Variants in TSPAN9 observed in about 807,000 individuals in gnomAD.
TSPAN9 encodes tetraspanin 9, also known as tetraspanin-9.
Under a neutral mutation model 31.0 loss-of-function variants are expected in TSPAN9, and 16 were observed. The observed-to-expected ratio is 0.52, with a 90% CI of 0.35 to 0.78. The LOEUF is 0.78. TSPAN9 is among the 30% of genes least tolerant of loss of function. The pLI is 0.01. For missense variants in TSPAN9, 272 were observed against 312.5 expected (o/e 0.87, Z 0.98); for synonymous variants, 145 against 121.6 (o/e 1.19, Z -1.27).
At chr12:3,082,477 G>T (rs2098298421) in intron 1 of TSPAN9, among the ~76,000 whole-genome samples, 1 of 152,224 alleles carries the variant, frequency 6.6e-6, no homozygotes, top group African/African-American at 2.4e-5. Context: ...CCGTGTGCCA[G>T]CATTAAACTG....
intron 2 of TSPAN9, among the ~76,000 whole-genome samples, chr12:3,125,234 A>G (rs1234450229): frequency 6.6e-6 from 1 of 151,496 alleles, no homozygotes; most frequent in East Asian, 1.9e-4. Flanking sequence ...TATGTTATGT[A>G]CTTGCTAACA....
At chr12:3,229,534 G>A (rs993572801) in intron 3 of TSPAN9, among the ~76,000 whole-genome samples, 2 of 152,194 alleles carry the variant, frequency 1.3e-5, no homozygotes, top group African/African-American at 2.4e-5. Context: ...TGGCCTGGCC[G>A]CCTTCTGCAG....
intron 7 of TSPAN9, 122 bp from the exon 8 acceptor site, chr12:3,281,612 G>A: frequency 8.1e-7 from 1 of 1,237,906 alleles, no homozygotes; most frequent in Non-Finnish European, 1.1e-6. Context: ...ACAGGGCTGA[G>A]GCCAGGGAGG....
chr12:3,098,573 C>T (rs963933144), intron 2 of TSPAN9, among the ~76,000 whole-genome samples: 7 of 152,184 alleles, frequency 4.6e-5, no homozygotes, highest in African/African-American at 1.4e-4. Context: ...GACATCTGCT[C>T]CCATCCAGCC....
intron 3 of TSPAN9, among the ~76,000 whole-genome samples, chr12:3,215,065 C>T (rs199774690): frequency 6.6e-6 from 1 of 152,064 alleles, no homozygotes; most frequent in Non-Finnish European, 1.5e-5. Context: ...GAAACAAACA[C>T]ATACCCTTCC....
At chr12:3,282,772 C>T (rs1186410406) in intron 8 of TSPAN9, among the ~76,000 whole-genome samples, 2 of 152,242 alleles carry the variant, frequency 1.3e-5, no homozygotes, top group Admixed American at 6.5e-5. Context: ...TGCAGCGCCC[C>T]TCTGAGTAGG....
intron 2 of TSPAN9, among the ~76,000 whole-genome samples, chr12:3,190,483 C>T (rs1946323654): frequency 6.6e-6 from 1 of 152,242 alleles, no homozygotes; most frequent in Admixed American, 6.5e-5. Context: ...TGGGCAGGTA[C>T]ATCTGTCTGT....
intron 3 of TSPAN9, 67 bp downstream of exon 3, chr12:3,201,323 A>G (rs1591673724): frequency 6.9e-7 from 1 of 1,441,412 alleles, no homozygotes; most frequent in Non-Finnish European, 9.8e-7. Context: ...TAGCGTGAAT[A>G]CCCTCTCCCT....
At chr12:3,178,415 C>A (rs1386356516) in intron 2 of TSPAN9, among the ~76,000 whole-genome samples, 1 of 152,038 alleles carries the variant, frequency 6.6e-6, no homozygotes, top group Non-Finnish European at 1.5e-5. Context: ...CTTAGCCTCC[C>A]GAGTAGCTGG....
chr12:3,130,295 G>A (rs34827888), intron 2 of TSPAN9, among the ~76,000 whole-genome samples: 20,794 of 152,280 alleles, frequency 0.14, 1,747 homozygotes, highest in Middle Eastern at 0.22. Flanking sequence ...TGGTGAAAAC[G>A]GAAGTTCCCC....
chr12:3,282,959 C>T (rs1862926415), intron 8 of TSPAN9, 86 bp from the exon 9 acceptor site: 2 of 1,378,674 alleles, frequency 1.5e-6, no homozygotes, highest in African/African-American at 2.9e-5. Flanking sequence ...GCTCTAGGTG[C>T]CCTGTGACAT....
chr12:3,124,243 A>C (rs2098326367), intron 2 of TSPAN9, among the ~76,000 whole-genome samples: 1 of 152,182 alleles, frequency 6.6e-6, no homozygotes, highest in Non-Finnish European at 1.5e-5. Context: ...CATTGCTTAG[A>C]ATTATTTTTA....
intron 2 of TSPAN9, among the ~76,000 whole-genome samples, chr12:3,109,962 C>T (rs963640973): frequency 2.0e-4 from 30 of 152,036 alleles, no homozygotes; most frequent in Non-Finnish European, 4.4e-4. Context: ...TATGAGCACC[C>T]CAGAACCCCC....
intron 3 of TSPAN9, among the ~76,000 whole-genome samples, chr12:3,228,940 T>A (rs908207394): frequency 5.9e-5 from 9 of 152,208 alleles, no homozygotes; most frequent in African/African-American, 2.2e-4. Flanking sequence ...GCTGCATCAC[T>A]GCAATCCCTC....
chr12:3,203,704 T>G (rs1334567892), intron 3 of TSPAN9, among the ~76,000 whole-genome samples: 1 of 152,244 alleles, frequency 6.6e-6, no homozygotes, highest in Non-Finnish European at 1.5e-5. Flanking sequence ...ACTTCTTGTA[T>G]GCTAGTAGCA....
intron 3 of TSPAN9, among the ~76,000 whole-genome samples, chr12:3,205,449 C>T (rs371605158): frequency 1.6e-4 from 24 of 152,190 alleles, no homozygotes; most frequent in East Asian, 9.6e-4. Context: ...GCAGCATGGT[C>T]GGGCTCTCCA....
intron 2 of TSPAN9, among the ~76,000 whole-genome samples, chr12:3,152,828 T>G (rs1200692628): frequency 6.6e-6 from 1 of 152,224 alleles, no homozygotes; most frequent in Non-Finnish European, 1.5e-5. Context: ...CCTCAGGTGA[T>G]CCACCCGCCT....
intron 2 of TSPAN9, among the ~76,000 whole-genome samples, chr12:3,144,755 G>A (rs753988440): frequency 7.6e-4 from 116 of 152,238 alleles, no homozygotes; most frequent in Admixed American, 1.8e-3. Context: ...TCACATCTGG[G>A]TAGCCCTGGG....
chr12:3,260,256 A>C (rs1427986483), intron 3 of TSPAN9, among the ~76,000 whole-genome samples: 1 of 152,258 alleles, frequency 6.6e-6, no homozygotes, highest in East Asian at 1.9e-4. Context: ...CTATGGAAAG[A>C]GCAAGATGAT....
Sources: gnomAD v4.1 joint callset for allele counts (sites outside exome capture counted in the v4.1 genomes callset) on GRCh38, gnomAD v4.1.1 for gene constraint, MANE v1.5 for transcripts, NCBI Gene and HGNC (gene_info 2026-07-23, HGNC 2026-07-21) for gene names.